CREB3: variants seen among roughly 807,000 people sequenced by gnomAD.
CREB3 encodes cyclic AMP-responsive element-binding protein 3.
In CREB3, 29 loss-of-function variants were observed where a neutral mutation model predicts 34.5. The observed-to-expected ratio is 0.84, with a 90% CI of 0.63 to 1.15. The LOEUF is 1.15. Ranked by LOEUF, CREB3 falls within the 50% of genes most tolerant of loss-of-function variation. The pLI is 0.00. For synonymous variants in CREB3, 187 were observed against 173.9 expected, an observed-to-expected ratio of 1.08 and a Z score of -0.59; for missense variants, 447 against 443.4, an observed-to-expected ratio of 1.01 and a Z score of -0.07.
intron 6 of CREB3, 45 bp downstream of exon 6, chr9:35,735,419 A>G (rs369855350): frequency 1.2e-5 from 18 of 1,528,672 alleles, no homozygotes; most frequent in Non-Finnish European, 1.6e-5. Flanking sequence ...CCCTCATTTA[A>G]TGCTTTCTCA....
chr9:35,732,706 C>A lies in CREB3; in HGVS notation c.-67C>A. 6.4e-7 allele frequency: 1 copy of A among 1,556,384 alleles called. No individual in the cohort carries two copies. Among genetic ancestry groups the A allele is most frequent in the Non-Finnish European group, 8.7e-7 (1 of 1,152,912 alleles). ...ATAGGTGCCCGAGGCCTACAGCTGG[C>A]CTGGGGCTCGTGTCTGGGCTTCGGA... On this transcript the variant is annotated 5_prime_UTR_variant, in exon 1 of 9. Coordinates refer to ENST00000353704, the MANE Select transcript of CREB3 (RefSeq NM_006368.5). This position sits in a 1 kb window ranked among gnomAD's most constrained non-coding sequence, Gnocchi z 5.1.
In CREB3 at chr9:35,736,042, C is replaced by T. The variant is rs774938072; in HGVS notation, c.612-6C>T. ...ATGCTCACTATTGGCCCCTCTCTTC[C>T]TCTAGGTCCCTTCTAGATCAACTGA... On this transcript the variant is annotated splice_region_variant and splice_polypyrimidine_tract_variant and intron_variant, in intron 6 of 8. Coordinates refer to ENST00000353704, the MANE Select transcript of CREB3 (RefSeq NM_006368.5). 10 of 1,611,594 alleles carry T rather than the reference C, an allele frequency of 6.2e-6. No homozygotes were observed. Among genetic ancestry groups the T allele is most frequent in the East Asian group, 4.5e-5 (2 of 44,870 alleles).
At chr9:35,733,522 G>A (rs767856885) in intron 4 of CREB3, 37 bp downstream of exon 4, 48 of 1,499,934 alleles carry the variant, frequency 3.2e-5, no homozygotes, top group Admixed American at 1.4e-4. Flanking sequence ...GCTGAAAAGG[G>A]ATTAAAAGTC....
Position 35,736,917 on chromosome 9 carries a change from T to G in CREB3, c.*191T>G. ...CCATGTGTCTGTCACACCATGAATG[T>G]ACCTGGGGAAATCAACTGACCTCCC... On this transcript the variant is annotated 3_prime_UTR_variant, in exon 9 of 9. Transcript: ENST00000353704. 1.4e-6 allele frequency: 1 copy of G among 727,860 alleles called. No homozygotes were observed. The highest frequency in any genetic ancestry group is 2.2e-6 in the Non-Finnish European group (1 of 451,726). 45.1% of individuals were successfully genotyped at this position (727,860 alleles called of 1,614,324 possible).
Position 35,735,182 on chromosome 9 carries a change from A to C in CREB3, c.509A>C (p.Lys170Thr), listed in dbSNP as rs1350736799. ...AGATCTGCTCAAGAGAGCCGCAGGA[A>C]AAAGAAGGTGTATGTTGGGGGTTTA... Reference protein sequence around the residue: ...NKRSAQESRRKKKVYVGGLES... With the variant: ...NKRSAQESRRTKKVYVGGLES... Residue 170 changes from lysine to threonine, a missense_variant, in exon 5 of 9, where the codon AAA becomes ACA. Transcript: ENST00000353704. 6.2e-7 allele frequency: 1 copy of C among 1,603,632 alleles called. No homozygotes were observed.
intron 4 of CREB3, among the ~76,000 whole-genome samples, chr9:35,734,252 T>A (rs1490263982): frequency 6.6e-6 from 1 of 152,080 alleles, no homozygotes; most frequent in African/African-American, 2.4e-5. Flanking sequence ...TGAAGAATTT[T>A]AATTTCTTCA....
intron 8 of CREB3, 28 bp downstream of exon 8, chr9:35,736,339 C>A (rs375231902): frequency 5.6e-6 from 9 of 1,613,644 alleles, no homozygotes; most frequent in Non-Finnish European, 7.6e-6. Context: ...AGCTCTCAGA[C>A]AGGGCAAGGG....
At position 35,733,098 on chromosome 9, in the gene CREB3, G is replaced by A; in HGVS notation, c.232G>A (p.Asp78Asn). 1 of 1,614,202 alleles carries A rather than the reference G, an allele frequency of 6.2e-7. No individual in the cohort carries two copies. The highest frequency in any genetic ancestry group is 8.5e-7 in the Non-Finnish European group (1 of 1,180,038). ...CTCCAACCCCTGCCTTGTCCACCAT[G>A]ACCACACCTACTCCCTCCCACGGGA... ...SSSNPCLVHH[D>N]HTYSLPRETV... The change falls in exon 2 of 9, where the codon GAC (aspartate) becomes AAC (asparagine). Residue 78 changes from aspartate to asparagine, a missense_variant. Coordinates refer to ENST00000353704, the MANE Select transcript of CREB3 (RefSeq NM_006368.5).
intron 4 of CREB3, among the ~76,000 whole-genome samples, chr9:35,734,473 A>G (rs2131923546): frequency 6.6e-6 from 1 of 152,006 alleles, no homozygotes; most frequent in Non-Finnish European, 1.5e-5. Context: ...TTAAGCTCTG[A>G]GGAAATGTTA....
intron 6 of CREB3, 21 bp from the exon 7 acceptor site, chr9:35,736,027 T>C: frequency 2.5e-6 from 4 of 1,593,104 alleles, no homozygotes; most frequent in Non-Finnish European, 2.6e-6. Context: ...ATGCTCACTA[T>C]TGGCCCCTCT....
In CREB3 at chr9:35,732,818, C is replaced by T. The variant is rs776875516; in HGVS notation, c.46C>T (p.Leu16=). 1.9e-6 allele frequency: 3 copies of T among 1,614,226 alleles called. No homozygotes were observed. In the Admixed American group the frequency reaches 5.0e-5, roughly 27 times the overall value. Residue 16 remains leucine, a synonymous_variant, in exon 1 of 9, where the codon CTG becomes TTG. Transcript: ENST00000353704. This position sits in a 1 kb window ranked among gnomAD's most constrained non-coding sequence, Gnocchi z 5.1. The part of the protein sequence containing the change: ...DAGDQDLLAF[L]LEESGDLGTA... ...TGGTGACCAAGACCTGCTGGCCTTC[C>T]TGCTAGAGGAAAGTGGAGATTTGGG...
rs374358651 is a variant in CREB3 at position 35,733,105 on chromosome 9, C to G, written c.239C>G (p.Thr80Ser). 1 of 1,614,222 alleles carries G rather than the reference C, an allele frequency of 6.2e-7. No individual in the cohort carries two copies. The highest frequency in any genetic ancestry group is 8.5e-7 in the Non-Finnish European group (1 of 1,180,050). ...SNPCLVHHDH[T>S]YSLPRETVSM... ...CCCTGCCTTGTCCACCATGACCACACCTACTCCCTCCCACGGGAAACTGTC... is the reference window on the plus strand; with the variant it reads ...CCCTGCCTTGTCCACCATGACCACAGCTACTCCCTCCCACGGGAAACTGTC... Residue 80 changes from threonine (T) to serine (S), a missense_variant, in exon 2 of 9, where the codon ACC (threonine) becomes AGC (serine). Coordinates refer to ENST00000353704, the MANE Select transcript of CREB3 (RefSeq NM_006368.5).
intron 7 of CREB3, 41 bp downstream of exon 7, chr9:35,736,173 G>T: frequency 6.2e-7 from 1 of 1,612,572 alleles, no homozygotes; most frequent in Non-Finnish European, 8.5e-7. Flanking sequence ...TTCTCAGTTG[G>T]TGGGGACAGG....
At position 35,736,478 on chromosome 9, in the gene CREB3, A is replaced by G. The variant is rs866328905; in HGVS notation, c.868A>G (p.Ser290Gly). The G allele has an allele frequency of 1.2e-6, 2 of 1,614,202 alleles. No individual in the cohort carries two copies. The highest frequency in any genetic ancestry group is 1.6e-4 in the Middle Eastern group (1 of 6,062). Reference sequence around the variant, plus strand: ...CCTGCAGTCAGAAGTGCCGAAAGACAGCACACACCAGTGGTTGGACGGCTC... The same window carrying G: ...CCTGCAGTCAGAAGTGCCGAAAGACGGCACACACCAGTGGTTGGACGGCTC... ...PALQSEVPKD[S>G]THQWLDGSDC... Residue 290 changes from serine to glycine, a missense_variant, in exon 9 of 9, where the codon AGC becomes GGC. By Grantham distance (56) the Ser-to-Gly change is moderately conservative (BLOSUM62 0). Coordinates refer to ENST00000353704, the MANE Select transcript of CREB3 (RefSeq NM_006368.5).
rs1826115421 is a variant in CREB3, at chr9:35,732,868, G to A, written c.96G>A (p.Arg32=). 6.2e-7 allele frequency: 1 copy of A among 1,614,100 alleles called. No homozygotes were observed. The highest frequency in any genetic ancestry group is 1.3e-5 in the African/African-American group (1 of 74,948). The change falls in exon 1 of 9, where the codon AGG becomes AGA. Residue 32 remains arginine (R), a synonymous_variant. Coordinates refer to ENST00000353704, the MANE Select transcript of CREB3 (RefSeq NM_006368.5). The surrounding 1 kb of genome is among the most constrained non-coding windows in gnomAD (Gnocchi z 5.1). The part of the protein sequence containing the change: ...DLGTAPDEAV[R]APLDWALPLS... Reference sequence around the variant, plus strand: ...GGACGGCACCCGATGAGGCCGTGAGGGCCCCACTGGACTGGGCGCTGCCGC... The same window carrying A: ...GGACGGCACCCGATGAGGCCGTGAGAGCCCCACTGGACTGGGCGCTGCCGC...
rs756637756 is a variant in CREB3, at chr9:35,736,692, C to G, written c.1082C>G (p.Pro361Arg). The G allele has an allele frequency of 6.2e-7, 1 of 1,611,264 alleles. No individual in the cohort carries two copies. The highest frequency in any genetic ancestry group is 8.5e-7 in the Non-Finnish European group (1 of 1,179,962). The change falls in exon 9 of 9, where the codon CCC becomes CGC. Residue 361 changes from proline (P) to arginine (R), a missense_variant. By Grantham distance (103) the Pro-to-Arg change is moderately radical (BLOSUM62 -2). Coordinates refer to ENST00000353704, the MANE Select transcript of CREB3 (RefSeq NM_006368.5). ...RKGGWLPTGS[P>R]SVILQDRYSG ...GGAGGATGGCTTCCTACTGGTAGCC[C>G]CTCTGTCATTTTGCAGGACAGATAC...
Position 35,736,124 on chromosome 9 carries a change from T to G in CREB3, c.688T>G (p.Cys230Gly). The G allele has an allele frequency of 6.2e-7, 1 of 1,613,864 alleles. No individual in the cohort carries two copies. The change falls in exon 7 of 9, where the codon TGC becomes GGC. Residue 230 changes from cysteine (C) to glycine (G), a missense_variant. Cys to Gly is a radical substitution (Grantham distance 159). Coordinates refer to ENST00000353704, the MANE Select transcript of CREB3 (RefSeq NM_006368.5). ...AAACAAAACCAGCAGCAGCAGCACC[T>G]GCATCTTGGTGAGGATGGTGATGAG... The part of the protein sequence containing the change: ...ISNKTSSSST[C>G]ILVLLVSFCL...
Position 35,736,961 on chromosome 9 carries a change from AG to A in CREB3, c.*238del, listed in dbSNP as rs1588000485. The A allele has an allele frequency of 2.4e-6, 2 of 831,518 alleles. No individual in the cohort carries two copies. Among genetic ancestry groups the A allele is most frequent in the East Asian group, 5.3e-5 (2 of 37,426 alleles). 51.5% of individuals were successfully genotyped at this position (831,518 alleles called of 1,614,324 possible). ...ACCTCCCTGAACATTTCACGCAGTCAGGGAACAGGTGAGGAAAGAAATAAAT... is the reference window on the plus strand; with the variant it reads ...ACCTCCCTGAACATTTCACGCAGTCAGGAACAGGTGAGGAAAGAAATAAAT... On this transcript the variant is annotated 3_prime_UTR_variant, in exon 9 of 9. Transcript: ENST00000353704.
rs1308932641 is a variant in CREB3 at position 35,736,539 on chromosome 9, G to A, written c.929G>A (p.Cys310Tyr). The change falls in exon 9 of 9, where the codon TGC (cysteine) becomes TAC (tyrosine). Residue 310 changes from cysteine to tyrosine, a missense_variant. Physicochemically the swap from Cys to Tyr is radical, Grantham distance 194. Coordinates refer to ENST00000353704, the MANE Select transcript of CREB3 (RefSeq NM_006368.5). ...CTCCAGGCCCCTGGCAACACTTCCT[G>A]CCTGCTGCATTACATGCCTCAGGCT... ...CVLQAPGNTS[C>Y]LLHYMPQAPS... is the part of the protein sequence containing the mutation. The A allele has an allele frequency of 1.9e-6, 3 of 1,614,178 alleles. No individual in the cohort carries two copies. The highest frequency in any genetic ancestry group is 2.5e-6 in the Non-Finnish European group (3 of 1,180,030).
Sources: allele counts gnomAD v4.1 joint callset (sites outside exome capture counted in the v4.1 genomes callset), GRCh38; gene constraint gnomAD v4.1.1; non-coding constraint Gnocchi (gnomAD v3.1); transcripts MANE v1.5; gene names NCBI Gene and HGNC (gene_info 2026-07-23, HGNC 2026-07-21).